Variants in TDRD6 observed in about 807,000 individuals in gnomAD.
TDRD6 encodes tudor domain-containing protein 6.
In TDRD6, 186 loss-of-function variants were observed where a neutral mutation model predicts 157.5. That is an observed-to-expected ratio of 1.18 (90% CI 1.05 to 1.33). The LOEUF (loss-of-function observed/expected upper bound fraction) is 1.33. TDRD6 is among the 40% of genes most tolerant of loss of function. The pLI is 0.00. For missense variants in TDRD6, 3,066 were observed against 2,508.0 expected, an observed-to-expected ratio of 1.22 and a Z score of -4.75; for synonymous variants, 1,075 against 945.2, an observed-to-expected ratio of 1.14 and a Z score of -2.52.
At position 46,693,247 on chromosome 6, in the gene TDRD6, C is replaced by G. The variant is rs771435189; in HGVS notation, c.5119C>G (p.Leu1707Val). 1.2e-6 allele frequency: 2 copies of G among 1,613,560 alleles called. No individual in the cohort carries two copies. The highest frequency in any genetic ancestry group is 2.2e-5 in the South Asian group (2 of 90,954). ...TTCTAAGACTGGTATTAAAAGTGCTCTTCCCTATGAAAATATTGACTCAGA... is the reference window on the plus strand; with the variant it reads ...TTCTAAGACTGGTATTAAAAGTGCTGTTCCCTATGAAAATATTGACTCAGA... ...KYSKTGIKSA[L>V]PYENIDSEIK... The change falls in exon 1 of 4, where the codon CTT becomes GTT. Residue 1707 changes from leucine (L) to valine (V), a missense_variant. Transcript: ENST00000316081.
chr6:46,683,370 T>C (rs988473606), upstream of TDRD6, among the ~76,000 whole-genome samples: 14 of 152,172 alleles, frequency 9.2e-5, no homozygotes, highest in African/African-American at 3.1e-4. Flanking sequence ...AACAAAAACA[T>C]TGAAAGTTTG....
chr6:46,696,583 A>G (rs150530287), intron 2 of TDRD6, among the ~76,000 whole-genome samples: 1,600 of 33,474 alleles, frequency 0.048, 15 homozygotes, highest in Non-Finnish European at 0.062. Context: ...GTGTGTGTGT[A>G]TATATATATA....
Position 46,696,751 on chromosome 6 carries a change from A to G in TDRD6, c.6171+806A>G, listed in dbSNP as rs578117240. Among the ~76,000 whole-genome samples the G allele has an allele frequency of 1.9e-3, 289 of 148,948 alleles. 1 individual carries two copies. The highest frequency in any genetic ancestry group is 6.7e-3 in the African/African-American group (272 of 40,440). On this transcript the variant is annotated intron_variant, in intron 2 of 3. Coordinates refer to ENST00000316081, the MANE Select transcript of TDRD6 (RefSeq NM_001010870.3). ...CTCAGCCTCCCAAGTAGCTGGGACT[A>G]CAGGCGCCCACCACGACGCCCAGCT...
rs1486298546 is a variant in TDRD6, at chr6:46,692,991, T to G, written c.4863T>G (p.Pro1621=). The change falls in exon 1 of 4, where the codon CCT becomes CCG. Residue 1621 remains proline, a synonymous_variant. Transcript: ENST00000316081. ...ACCCAAAAGCACTCTGGGCCATTCC[T>G]TCTGAACTTCTGTCGGTTCCCATGC... ...CVDPKALWAI[P]SELLSVPMQA... is the part of the protein sequence containing the mutation. 4 of 1,612,624 alleles carry G rather than the reference T, an allele frequency of 2.5e-6. No homozygotes were observed. The highest frequency in any genetic ancestry group is 3.4e-6 in the Non-Finnish European group (4 of 1,179,196).
At position 46,689,875 on chromosome 6, in the gene TDRD6, G is replaced by A. The variant is rs778392718; in HGVS notation, c.1747G>A (p.Val583Ile). The change falls in exon 1 of 4, where the codon GTA (valine) becomes ATA (isoleucine). Residue 583 changes from valine to isoleucine, a missense_variant. Val to Ile is a conservative substitution (Grantham distance 29, BLOSUM62 3). Coordinates refer to ENST00000316081, the MANE Select transcript of TDRD6 (RefSeq NM_001010870.3). Reference protein sequence around the residue: ...GNSENVDWYDVRMLLPQFRQL... With the variant: ...GNSENVDWYDIRMLLPQFRQL... ...TTCGGAAAATGTGGACTGGTATGAC[G>A]TAAGGATGCTGCTTCCTCAGTTTAG... 17 of 1,614,190 alleles carry A rather than the reference G, an allele frequency of 1.1e-5. No homozygotes were observed. Among genetic ancestry groups the A allele is most frequent in the South Asian group, 5.5e-5 (5 of 91,078 alleles).
Position 46,701,976 on chromosome 6 carries a change from TGAAAACATGTAACCACA to T in TDRD6, c.*90_*106del. ...AGACCAACAGAGTATTTGAGAAAAT[TGAAAACATGTAACCACA>T]AGAAGTTGTCATTTTCAAAAACTTC... is the stretch of plus-strand genomic sequence containing the variant. On this transcript the variant is annotated 3_prime_UTR_variant, in exon 4 of 4. Transcript: ENST00000316081. The T allele has an allele frequency of 6.9e-7, 1 of 1,447,746 alleles. No homozygotes were observed. Among genetic ancestry groups the T allele is most frequent in the African/African-American group, 1.4e-5 (1 of 70,440 alleles). The allele number at this position is 1,447,746 out of a possible 1,614,324, so 89.7% of individuals were successfully genotyped here.
At position 46,692,581 on chromosome 6, in the gene TDRD6, G is replaced by A. The variant is rs1485936160; in HGVS notation, c.4453G>A (p.Val1485Ile). 6.2e-7 allele frequency: 1 copy of A among 1,613,746 alleles called. No individual in the cohort carries two copies. Among genetic ancestry groups the A allele is most frequent in the Admixed American group, 1.7e-5 (1 of 60,006 alleles). Residue 1485 changes from valine to isoleucine, a missense_variant, in exon 1 of 4, where the codon GTA becomes ATA. Coordinates refer to ENST00000316081, the MANE Select transcript of TDRD6 (RefSeq NM_001010870.3). ...SRYALSEKSQ[V>I]ELSTQVIKSA... ...GTATGCTCTCAGTGAAAAATCTCAA[G>A]TAGAACTTTCTACCCAAGTAATTAA...
chr6:46,685,826 A>T (rs1032045187), upstream of TDRD6, among the ~76,000 whole-genome samples: 1 of 152,144 alleles, frequency 6.6e-6, no homozygotes, highest in Non-Finnish European at 1.5e-5. Flanking sequence ...TCTCAAGACT[A>T]ATGGGAGGAA....
At chr6:46,695,722 A>T in intron 1 of TDRD6, 99 bp from the exon 2 acceptor site, 1 of 1,200,284 alleles carries the variant, frequency 8.3e-7, no homozygotes, top group Non-Finnish European at 1.2e-6. Flanking sequence ...GATATTGATG[A>T]TATAGAAATA....
chr6:46,688,710 G>A lies in TDRD6; in HGVS notation c.582G>A (p.Leu194=). ...ATGTGTTCCAACAGATGCGGGAGCTGGGCCTGGCTCGGCGGGTGCCCGACA... is the reference window on the plus strand; with the variant it reads ...ATGTGTTCCAACAGATGCGGGAGCTAGGCCTGGCTCGGCGGGTGCCCGACA... The part of the protein sequence containing the change: ...VPDVFQQMRE[L]GLARRVPDSL... The change falls in exon 1 of 4, where the codon CTG becomes CTA. Residue 194 remains leucine (L), a synonymous_variant. Coordinates refer to ENST00000316081, the MANE Select transcript of TDRD6 (RefSeq NM_001010870.3). 2 of 1,601,198 alleles carry A rather than the reference G, an allele frequency of 1.2e-6. No individual in the cohort carries two copies. Among genetic ancestry groups the A allele is most frequent in the Non-Finnish European group, 1.7e-6 (2 of 1,179,610 alleles).
chr6:46,680,996 G>A, the TDRD6 span, among the ~76,000 whole-genome samples: 5 of 151,990 alleles, frequency 3.3e-5, no homozygotes, highest in East Asian at 3.9e-4. Context: ...ACATATCAGC[G>A]TCCCCTACAC....
In TDRD6 at chr6:46,689,729, T is replaced by A; in HGVS notation, c.1601T>A (p.Val534Asp). The change falls in exon 1 of 4, where the codon GTT becomes GAT. Residue 534 changes from valine (V) to aspartate (D), a missense_variant. By Grantham distance (152) the Val-to-Asp change is radical. Coordinates refer to ENST00000316081, the MANE Select transcript of TDRD6 (RefSeq NM_001010870.3). ...TCTGCCAGTAAGCTGGATGGTGTAG[T>A]TTTGAAACCTGAACCTGATGACCTT... is the stretch of plus-strand genomic sequence containing the variant. The part of the protein sequence containing the change: ...YSSASKLDGV[V>D]LKPEPDDLCC... The A allele has an allele frequency of 6.2e-7, 1 of 1,614,150 alleles. No individual in the cohort carries two copies. Among genetic ancestry groups the A allele is most frequent in the Non-Finnish European group, 8.5e-7 (1 of 1,180,038 alleles).
intron 2 of TDRD6, 78 bp downstream of exon 2, chr6:46,696,023 A>G (rs1388505985): frequency 2.0e-6 from 3 of 1,488,558 alleles, no homozygotes; most frequent in Non-Finnish European, 2.7e-6. Flanking sequence ...CTGTCAGACT[A>G]GAGAACGCGA....
chr6:46,683,591 T>A (rs974675081), upstream of TDRD6, among the ~76,000 whole-genome samples: 4 of 152,066 alleles, frequency 2.6e-5, no homozygotes, highest in Non-Finnish European at 4.4e-5. Context: ...AAGTGTGAGT[T>A]TTACTGTACA....
At position 46,698,576 on chromosome 6, in the gene TDRD6, C is replaced by T. The variant is rs1582552384; in HGVS notation, c.6261+489C>T. ...TTAAGACTATATGGTGGGCAATTTG[C>T]CATGACATTATGATGTGTCTGGGCA... On this transcript the variant is annotated intron_variant, in intron 3 of 3. Transcript: ENST00000316081. Among the ~76,000 whole-genome samples, 5 of 152,218 alleles carry T rather than the reference C, an allele frequency of 3.3e-5. No individual in the cohort carries two copies. The South Asian group carries it at 1.0e-3, about 32-fold the overall frequency.
At chr6:46,696,474 G>GTA (rs1286889467) in intron 2 of TDRD6, among the ~76,000 whole-genome samples, 3,983 of 131,450 alleles carry the variant, frequency 0.03, 146 homozygotes, top group African/African-American at 0.092. Flanking sequence ...GTATATGTGT[G>GTA]TATATATATA....
At chr6:46,700,980 C>T (rs1230381984) in intron 3 of TDRD6, 1 of 419,440 alleles carries the variant, frequency 2.4e-6, no homozygotes, top group East Asian at 8.2e-5. Flanking sequence ...AATAGCAATT[C>T]AAAGGTTCCT....
In TDRD6 at chr6:46,688,930, CA is replaced by C; in HGVS notation, c.803del (p.Gln268ArgfsTer86). ...GTGCCATCCCCACCGCATTCACTGC[CA>C]GCTCCGCAGCGTCTCGCAGGAGATC... ...QVCHPHRIHC[Q>X]LRSVSQEIHR... On this transcript the variant is annotated frameshift_variant, in exon 1 of 4. Coordinates refer to ENST00000316081, the MANE Select transcript of TDRD6 (RefSeq NM_001010870.3). LOFTEE classifies it high-confidence loss of function. The C allele has an allele frequency of 6.2e-7, 1 of 1,609,942 alleles. No individual in the cohort carries two copies. Among genetic ancestry groups the C allele is most frequent in the Non-Finnish European group, 8.5e-7 (1 of 1,177,502 alleles).
upstream of TDRD6, among the ~76,000 whole-genome samples, chr6:46,684,448 C>T (rs551115050): frequency 2.3e-4 from 35 of 151,982 alleles, no homozygotes; most frequent in African/African-American, 8.5e-4. Flanking sequence ...TCACTGCACA[C>T]AAGATACAGA....
Sources: allele counts gnomAD v4.1 joint callset (sites outside exome capture counted in the v4.1 genomes callset), GRCh38; gene constraint gnomAD v4.1.1; transcripts MANE v1.5; gene names NCBI Gene and HGNC (gene_info 2026-07-23, HGNC 2026-07-21).